PMAIP1: variants seen among roughly 807,000 people sequenced by gnomAD.
The protein encoded by PMAIP1 is PMA-induced protein 1.
A neutral mutation model predicts 3.7 loss-of-function variants in PMAIP1; 3 were observed. That is an observed-to-expected ratio of 0.82 (90% CI 0.37 to 2.12). PMAIP1 has a LOEUF of 2.12. Among genes scored for constraint, PMAIP1 ranks in the 30% most tolerant of loss-of-function variants. The probability of loss-of-function intolerance (pLI) is 0.06; values close to 1 mark genes in which losing one functional copy is unlikely to be tolerated. For synonymous variants in PMAIP1, 29 were observed against 26.2 expected, an observed-to-expected ratio of 1.11 and a Z score of -0.32; for missense variants, 77 against 67.1, an observed-to-expected ratio of 1.15 and a Z score of -0.52.
At chr18:59,900,803 C>T (rs1477209431) in intron 1 of PMAIP1, 11 of 540,550 alleles carry the variant, frequency 2.0e-5, no homozygotes, top group South Asian at 1.4e-4. Flanking sequence ...CATTCGCACT[C>T]CCCACCCCGA....
intron 1 of PMAIP1, among the ~76,000 whole-genome samples, 167 bp from the exon 2 acceptor site, chr18:59,902,480 A>AGTGT (rs139098046): frequency 2.0e-5 from 3 of 152,124 alleles, no homozygotes; most frequent in East Asian, 3.9e-4. Context: ...AATGTGTGTA[A>AGTGT]GTGTGTGTGT....
chr18:59,900,086 T>C lies in PMAIP1; in HGVS notation c.-92T>C. On this transcript the variant is annotated 5_prime_UTR_variant, in exon 1 of 2. Transcript: ENST00000316660. ...ATCCCTGCCTGCAGGACTGTTCGTG[T>C]TCAGCTCGCGTCCTGCAGCTGTCCG... 1.4e-6 allele frequency: 2 copies of C among 1,391,090 alleles called. No homozygotes were observed. Among genetic ancestry groups the C allele is most frequent in the Non-Finnish European group, 9.8e-7 (1 of 1,020,318 alleles). The allele number at this position is 1,391,090 out of a possible 1,614,324, so 86.2% of individuals were successfully genotyped here.
chr18:59,900,691 G>A (rs1395587293), intron 1 of PMAIP1: 14 of 1,075,348 alleles, frequency 1.3e-5, no homozygotes, highest in Admixed American at 2.8e-5. Context: ...AAGGGCCCCT[G>A]TGTTCAGGAG....
In PMAIP1 at chr18:59,900,234, A is replaced by C. The variant is rs760528161; in HGVS notation, c.57A>C (p.Ala19=). ...NAQPSPARAP[A]ELEVECATQL... ...AACCGAGCCCCGCGCGGGCTCCAGC[A>C]GGTACCGACCCGCTGGGGCCAGCGA... The change falls in exon 1 of 2, where the codon GCA becomes GCC. Residue 19 remains alanine, a splice_region_variant and synonymous_variant. Coordinates refer to ENST00000316660, the MANE Select transcript of PMAIP1 (RefSeq NM_021127.3). The C allele has an allele frequency of 1.3e-6, 2 of 1,548,690 alleles. No homozygotes were observed. The highest frequency in any genetic ancestry group is 1.7e-6 in the Non-Finnish European group (2 of 1,149,094).
intron 1 of PMAIP1, chr18:59,900,657 C>T: frequency 6.8e-7 from 1 of 1,469,386 alleles, no homozygotes; most frequent in Non-Finnish European, 9.1e-7. Context: ...CCTGGACTCC[C>T]AGCGCTTCCA....
At chr18:59,900,953 C>A (rs191592257) in intron 1 of PMAIP1, among the ~76,000 whole-genome samples, 14 of 152,114 alleles carry the variant, frequency 9.2e-5, no homozygotes, top group Middle Eastern at 3.4e-3. Flanking sequence ...GATTATACGC[C>A]CCCCCCACCT....
Position 59,902,867 on chromosome 18 carries a change from T to C in PMAIP1, c.*114T>C, listed in dbSNP as rs1010120763. Reference sequence around the variant, plus strand: ...TAATTGAGAGGAATGTGAAGGTGCATTCATGGGTGCCCTTGGAAACGGAAG... The same window carrying C: ...TAATTGAGAGGAATGTGAAGGTGCACTCATGGGTGCCCTTGGAAACGGAAG... On this transcript the variant is annotated 3_prime_UTR_variant, in exon 2 of 2. Transcript: ENST00000316660. The C allele has an allele frequency of 6.5e-7, 1 of 1,547,176 alleles. No homozygotes were observed. The highest frequency in any genetic ancestry group is 8.8e-7 in the Non-Finnish European group (1 of 1,134,352).
intron 1 of PMAIP1, chr18:59,900,817 A>G (rs1834846423): frequency 2.1e-6 from 1 of 478,586 alleles, no homozygotes; most frequent in South Asian, 3.0e-5. Context: ...ACCCCGATAC[A>G]TACAGCTCCA....
In PMAIP1 at chr18:59,900,002, T is replaced by C. The variant is rs1341079649; in HGVS notation, c.-176T>C. On this transcript the variant is annotated 5_prime_UTR_variant, in exon 1 of 2. Transcript: ENST00000316660. ...TCTCTGGCGCGGGGATCTCAGAGTT[T>C]CCCGGGCACTCACCGTGTGTAGTTG... is the stretch of plus-strand genomic sequence containing the variant. 5.5e-6 allele frequency: 3 copies of C among 546,170 alleles called. No individual in the cohort carries two copies. The highest frequency in any genetic ancestry group is 9.2e-6 in the Non-Finnish European group (3 of 324,760). 33.8% of individuals were successfully genotyped at this position (546,170 alleles called of 1,614,324 possible). A position where few individuals can be genotyped will look rare whatever the true frequency, so the allele number is the denominator to read the frequency against.
chr18:59,900,650 G>A, intron 1 of PMAIP1: 1 of 1,502,362 alleles, frequency 6.7e-7, no homozygotes, highest in Non-Finnish European at 9.0e-7. Flanking sequence ...GGGACCGCCT[G>A]GACTCCCAGC....
At chr18:59,900,943 G>GATT (rs1255337214) in intron 1 of PMAIP1, among the ~76,000 whole-genome samples, 2 of 152,004 alleles carry the variant, frequency 1.3e-5, no homozygotes, top group Non-Finnish European at 2.9e-5. Context: ...TGCATCAGAC[G>GATT]ATTATACGCC....
rs2055786447 is a variant in PMAIP1, at chr18:59,903,249, A to C, written c.*496A>C. On this transcript the variant is annotated 3_prime_UTR_variant, in exon 2 of 2. Coordinates refer to ENST00000316660, the MANE Select transcript of PMAIP1 (RefSeq NM_021127.3). ...CATATTACCTTGTTATAATGAAAAA[A>C]CTCATTCTGAGAACACTGAAATGTT... 5.4e-6 allele frequency: 1 copy of C among 183,972 alleles called. No homozygotes were observed. Among genetic ancestry groups the C allele is most frequent in the Admixed American group, 5.6e-5 (1 of 17,838 alleles). 11.4% of individuals were successfully genotyped at this position (183,972 alleles called of 1,614,324 possible).
Position 59,900,073 on chromosome 18 carries a change from A to G in PMAIP1, c.-105A>G, listed in dbSNP as rs113353431. On this transcript the variant is annotated 5_prime_UTR_variant, in exon 1 of 2. Coordinates refer to ENST00000316660, the MANE Select transcript of PMAIP1 (RefSeq NM_021127.3). ...ACCCGATCCCAGCATCCCTGCCTGCAGGACTGTTCGTGTTCAGCTCGCGTC... is the reference window on the plus strand; with the variant it reads ...ACCCGATCCCAGCATCCCTGCCTGCGGGACTGTTCGTGTTCAGCTCGCGTC... The G allele has an allele frequency of 2.8e-3, 3,512 of 1,264,732 alleles. 14 individuals carry two copies. Among genetic ancestry groups the G allele is most frequent in the African/African-American group, 9.5e-3 (637 of 67,138 alleles). The allele number at this position is 1,264,732 out of a possible 1,614,324, so 78.3% of individuals were successfully genotyped here.
Position 59,900,152 on chromosome 18 carries a change from C to T in PMAIP1, c.-26C>T, listed in dbSNP as rs2055748239. On this transcript the variant is annotated 5_prime_UTR_variant, in exon 1 of 2. Transcript: ENST00000316660. The stretch of plus-strand genomic sequence containing the variant: ...AGGCTGAGGTTCCCGGGCTCTGTAG[C>T]TGAGTGGGCGGCGGCACCGGCGGAG... 6.4e-7 allele frequency: 1 copy of T among 1,553,782 alleles called. No individual in the cohort carries two copies. The highest frequency in any genetic ancestry group is 8.7e-7 in the Non-Finnish European group (1 of 1,153,668).
At position 59,900,133 on chromosome 18, in the gene PMAIP1, A is replaced by G. The variant is rs2143556615; in HGVS notation, c.-45A>G. Reference sequence around the variant, plus strand: ...TCCGAGGTGCTCCAGTTGGAGGCTGAGGTTCCCGGGCTCTGTAGCTGAGTG... The same window carrying G: ...TCCGAGGTGCTCCAGTTGGAGGCTGGGGTTCCCGGGCTCTGTAGCTGAGTG... On this transcript the variant is annotated 5_prime_UTR_variant, in exon 1 of 2. Coordinates refer to ENST00000316660, the MANE Select transcript of PMAIP1 (RefSeq NM_021127.3). 6.5e-7 allele frequency: 1 copy of G among 1,542,190 alleles called. No individual in the cohort carries two copies. The highest frequency in any genetic ancestry group is 2.4e-5 in the East Asian group (1 of 42,026).
Position 59,902,876 on chromosome 18 carries a change from G to A in PMAIP1, c.*123G>A. 1 of 1,516,616 alleles carries A rather than the reference G, an allele frequency of 6.6e-7. No homozygotes were observed. The highest frequency in any genetic ancestry group is 1.4e-5 in the African/African-American group (1 of 72,810). 93.9% of individuals were successfully genotyped at this position (1,516,616 alleles called of 1,614,324 possible). ...GGAATGTGAAGGTGCATTCATGGGTGCCCTTGGAAACGGAAGATGGAATAC... is the reference window on the plus strand; with the variant it reads ...GGAATGTGAAGGTGCATTCATGGGTACCCTTGGAAACGGAAGATGGAATAC... On this transcript the variant is annotated 3_prime_UTR_variant, in exon 2 of 2. Transcript: ENST00000316660.
chr18:59,902,477 G>T lies in PMAIP1; in HGVS notation c.59-170G>T, dbSNP rs577935499. Among the ~76,000 whole-genome samples the T allele has an allele frequency of 7.9e-5, 12 of 152,320 alleles. No homozygotes were observed. In the East Asian group the frequency reaches 1.3e-3, roughly 17 times the overall value. ...TTGCTTTCGGTGAGTCACAATGTGTGTAAGTGTGTGTGTGTGTCACATTTG... is the reference window on the plus strand; with the variant it reads ...TTGCTTTCGGTGAGTCACAATGTGTTTAAGTGTGTGTGTGTGTCACATTTG... On this transcript the variant is annotated intron_variant, in intron 1 of 1. Coordinates refer to ENST00000316660, the MANE Select transcript of PMAIP1 (RefSeq NM_021127.3).
At chr18:59,901,830 G>A (rs996193880) in intron 1 of PMAIP1, among the ~76,000 whole-genome samples, 2 of 152,070 alleles carry the variant, frequency 1.3e-5, no homozygotes, top group African/African-American at 2.4e-5. Flanking sequence ...GAAAAAAAGT[G>A]TACTTGGAAA....
chr18:59,900,844 C>A, intron 1 of PMAIP1: 1 of 409,506 alleles, frequency 2.4e-6, no homozygotes, highest in East Asian at 4.2e-5. Context: ...GTTTTCAGGC[C>A]AGCGCCCCGG....
Sources: allele counts gnomAD v4.1 joint callset (sites outside exome capture counted in the v4.1 genomes callset), GRCh38; gene constraint gnomAD v4.1.1; transcripts MANE v1.5; gene names NCBI Gene and HGNC (gene_info 2026-07-23, HGNC 2026-07-21).